The following SMYD2 variants were observed in gnomAD, a reference collection of about 807,000 sequenced individuals.
The protein encoded by SMYD2 is SET and MYND domain containing 2.
In SMYD2, 53 loss-of-function variants were observed where a neutral mutation model predicts 59.1. That is an observed-to-expected ratio of 0.90 (90% confidence interval 0.72 to 1.13). SMYD2 has a LOEUF of 1.13. Ranked by LOEUF, SMYD2 falls within the 50% of genes most tolerant of loss-of-function variation. The pLI is 0.00. For missense variants in SMYD2, 494 were observed against 544.7 expected (o/e 0.91, Z 0.93); for synonymous variants, 208 against 198.8 (o/e 1.05, Z -0.39).
chr1:214,331,284 G>A, intron 9 of SMYD2: 1 of 624,632 alleles, frequency 1.6e-6, no homozygotes, highest in Non-Finnish European at 2.5e-6. Flanking sequence ...ATTTTGGCTA[G>A]TTTGGCTGGG....
At position 214,312,761 on chromosome 1, in the gene SMYD2, G is replaced by GCTCCCATC. The variant is rs1657018008; in HGVS notation, c.238-2000_238-1993dup. Among the ~76,000 whole-genome samples, 2 of 152,298 alleles carry GCTCCCATC rather than the reference G, an allele frequency of 1.3e-5. No individual in the cohort carries two copies. Among genetic ancestry groups the GCTCCCATC allele is most frequent in the Admixed American group, 1.3e-4 (2 of 15,300 alleles). On this transcript the variant is annotated intron_variant, in intron 2 of 11. Transcript: ENST00000366957. The surrounding 1 kb of genome is among the most constrained non-coding windows in gnomAD (Gnocchi z 4.1). ...TGATGGGCTGGGGTGGTGCAGGGAC[G>GCTCCCATC]CTCCCATCACGTGTGGCCTCCTAGG...
At chr1:214,326,599 C>A (rs1346180431) in intron 6 of SMYD2, among the ~76,000 whole-genome samples, 1 of 152,190 alleles carries the variant, frequency 6.6e-6, no homozygotes, top group African/African-American at 2.4e-5. Flanking sequence ...ATCTCAGGCA[C>A]CAGGCTAACC....
At chr1:214,285,698 G>A (rs1489735639) in intron 1 of SMYD2, among the ~76,000 whole-genome samples, 1 of 152,026 alleles carries the variant, frequency 6.6e-6, no homozygotes, top group East Asian at 1.9e-4. Context: ...AGGTTTCCAT[G>A]TACATTAATG....
chr1:214,295,327 T>C (rs1250159248), intron 1 of SMYD2, among the ~76,000 whole-genome samples: 2 of 152,238 alleles, frequency 1.3e-5, no homozygotes, highest in African/African-American at 4.8e-5. Flanking sequence ...GTCCAGGGGC[T>C]GAAAAGGAAA....
intron 10 of SMYD2, chr1:214,333,043 G>A (rs1425971056): frequency 6.6e-6 from 1 of 152,230 alleles, no homozygotes; most frequent in African/African-American, 2.4e-5. Flanking sequence ...GTCTGTGAAG[G>A]TTGTGTCTGG....
At chr1:214,281,953 G>A (rs977861458) in intron 1 of SMYD2, among the ~76,000 whole-genome samples, 1 of 152,198 alleles carries the variant, frequency 6.6e-6, no homozygotes, top group Non-Finnish European at 1.5e-5. Context: ...GTTAAAGTAC[G>A]CTTACATGGG....
chr1:214,310,541 T>TTGC (rs1656983340), intron 2 of SMYD2, among the ~76,000 whole-genome samples: 1 of 150,734 alleles, frequency 6.6e-6, no homozygotes, highest in Admixed American at 6.6e-5. Context: ...GATCCTAGTT[T>TTGC]ACAGAAAATT....
chr1:214,289,858 C>A (rs1052097479), intron 1 of SMYD2, among the ~76,000 whole-genome samples: 2 of 152,216 alleles, frequency 1.3e-5, no homozygotes, highest in Non-Finnish European at 2.9e-5. Context: ...ATTTTGAGGT[C>A]TCCTTTGCCT....
intron 1 of SMYD2, among the ~76,000 whole-genome samples, chr1:214,304,734 T>A (rs1656890200): frequency 6.6e-6 from 1 of 152,172 alleles, no homozygotes; most frequent in African/African-American, 2.4e-5. Context: ...CCAGAGTAGG[T>A]GCACCCCAAC....
intron 10 of SMYD2, 91 bp from the exon 11 acceptor site, chr1:214,334,109 A>C: frequency 1.7e-6 from 2 of 1,199,658 alleles, no homozygotes; most frequent in Non-Finnish European, 2.4e-6. Flanking sequence ...GTTGGCCCTA[A>C]GCATGGCAGC....
chr1:214,293,083 C>T (rs974358819), intron 1 of SMYD2, among the ~76,000 whole-genome samples: 3 of 151,182 alleles, frequency 2.0e-5, no homozygotes, highest in Admixed American at 1.3e-4. Flanking sequence ...GACAGAGTCT[C>T]TCTCTGTCAC....
intron 1 of SMYD2, among the ~76,000 whole-genome samples, chr1:214,285,155 G>A (rs565479668): frequency 2.0e-5 from 3 of 150,582 alleles, no homozygotes; most frequent in Non-Finnish European, 4.4e-5. Flanking sequence ...GCCAAACCCT[G>A]TGATTAAGGT....
intron 7 of SMYD2, among the ~76,000 whole-genome samples, chr1:214,328,211 A>G (rs1271640531): frequency 1.3e-5 from 2 of 152,218 alleles, no homozygotes; most frequent in Non-Finnish European, 2.9e-5. Flanking sequence ...AGCAGTAGCT[A>G]AAGAGCTGGC....
chr1:214,287,371 G>A (rs1029848863), intron 1 of SMYD2, among the ~76,000 whole-genome samples: 2 of 151,614 alleles, frequency 1.3e-5, no homozygotes, highest in African/African-American at 4.8e-5. Flanking sequence ...CGGATTACCT[G>A]AGGTCAGGAG....
At chr1:214,294,637 C>G (rs1031726604) in intron 1 of SMYD2, among the ~76,000 whole-genome samples, 2 of 152,216 alleles carry the variant, frequency 1.3e-5, no homozygotes, top group Non-Finnish European at 2.9e-5. Flanking sequence ...TGCCACCGCA[C>G]TCCAGCCTAG....
At position 214,327,639 on chromosome 1, in the gene SMYD2, A is replaced by C; in HGVS notation, c.620A>C (p.His207Pro). 3.1e-6 allele frequency: 5 copies of C among 1,614,206 alleles called. No individual in the cohort carries two copies. Among genetic ancestry groups the C allele is most frequent in the Non-Finnish European group, 4.2e-6 (5 of 1,180,004 alleles). ...ACTGACAGTGTTGCATTGATGAATCATAGCTGTTGCCCCAATGTCATTGTG... is the reference window on the plus strand; with the variant it reads ...ACTGACAGTGTTGCATTGATGAATCCTAGCTGTTGCCCCAATGTCATTGTG... The part of the protein sequence containing the change: ...AIFPDVALMN[H>P]SCCPNVIVTY... Residue 207 changes from histidine (H) to proline (P), a missense_variant, in exon 7 of 12, where the codon CAT (histidine) becomes CCT (proline). Transcript: ENST00000366957.
rs116957897 is a variant in SMYD2 at position 214,308,271 on chromosome 1, C to T, written c.237+3021C>T. Among the ~76,000 whole-genome samples the T allele has an allele frequency of 4.1e-4, 62 of 152,304 alleles. No individual in the cohort carries two copies. The East Asian group carries it at 0.011, about 28-fold the overall frequency. On this transcript the variant is annotated intron_variant, in intron 2 of 11. Coordinates refer to ENST00000366957, the MANE Select transcript of SMYD2 (RefSeq NM_020197.3). Reference sequence around the variant, plus strand: ...AGTTTCATTTTTGTTTCATCTGTCTCCCACTGCTGAAGGAAAAGGCTAATG... The same window carrying T: ...AGTTTCATTTTTGTTTCATCTGTCTTCCACTGCTGAAGGAAAAGGCTAATG...
chr1:214,333,081 T>A (rs1392534108), intron 10 of SMYD2: 1 of 152,256 alleles, frequency 6.6e-6, no homozygotes, highest in African/African-American at 2.4e-5. Context: ...CACTCCACCC[T>A]CTACTTACCC....
chr1:214,336,656 G>C, intron 11 of SMYD2, 48 bp from the exon 12 acceptor site: 1 of 1,573,392 alleles, frequency 6.4e-7, no homozygotes, highest in Non-Finnish European at 8.7e-7. Context: ...GTGGAGGTGT[G>C]AGGAGATTGG....
Sources: allele counts gnomAD v4.1 joint callset (sites outside exome capture counted in the v4.1 genomes callset), GRCh38; gene constraint gnomAD v4.1.1; non-coding constraint Gnocchi (gnomAD v3.1); transcripts MANE v1.5; gene names NCBI Gene and HGNC (gene_info 2026-07-23, HGNC 2026-07-21).